The following SIK3 variants were observed in gnomAD, a reference collection of about 807,000 sequenced individuals.
SIK3 encodes the protein serine/threonine-protein kinase SIK3.
A neutral mutation model predicts 144.2 loss-of-function variants in SIK3; 28 were observed. That is an observed-to-expected ratio of 0.19 (90% CI 0.14 to 0.27). The LOEUF (loss-of-function observed/expected upper bound fraction) is 0.27, where lower values mean the gene tolerates loss of function less well. Ranked by LOEUF, SIK3 falls within the 10% of genes least tolerant of loss-of-function variation. The pLI is 1.00. For missense variants in SIK3, 1,319 were observed against 1,776.0 expected (o/e 0.74, Z 4.62); for synonymous variants, 686 against 676.3 (o/e 1.01, Z -0.22).
chr11:116,908,201 C>T lies in SIK3; in HGVS notation c.617-10884G>A, dbSNP rs112089178. Among the ~76,000 whole-genome samples, 70 of 152,232 alleles carry T rather than the reference C, an allele frequency of 4.6e-4. 1 individual carries two copies. The highest frequency in any genetic ancestry group is 1.5e-3 in the African/African-American group (64 of 41,540). Reference sequence around the variant, plus strand: ...TTATAAAATAAAGGACTCGGCTGGACGTGGTGGCTTACTCCTGTAATCCCA... The same window carrying T: ...TTATAAAATAAAGGACTCGGCTGGATGTGGTGGCTTACTCCTGTAATCCCA... On this transcript the variant is annotated intron_variant, in intron 4 of 24. Transcript: ENST00000445177.
In SIK3 at chr11:117,098,338, C is replaced by G; in HGVS notation, c.78G>C (p.Leu26=). 3 of 1,152,726 alleles carry G rather than the reference C, an allele frequency of 2.6e-6. No homozygotes were observed. The highest frequency in any genetic ancestry group is 3.2e-6 in the Non-Finnish European group (3 of 940,134). The allele number at this position is 1,152,726 out of a possible 1,614,324, so 71.4% of individuals were successfully genotyped here. A position where few individuals can be genotyped will look rare whatever the true frequency, so the allele number is the denominator to read the frequency against. The change falls in exon 1 of 25, where the codon CTG becomes CTC. Residue 26 remains leucine, a synonymous_variant. Transcript: ENST00000445177. Reference sequence around the variant, plus strand: ...GGGACCCCGGCGCGGGCGGAGGCAGCAGGCGGCCCGCGGGCCCGGCTCCCC... The same window carrying G: ...GGGACCCCGGCGCGGGCGGAGGCAGGAGGCGGCCCGCGGGCCCGGCTCCCC... ...GTGGAGPAGR[L]LPPPAPGSPA...
intron 4 of SIK3, among the ~76,000 whole-genome samples, chr11:116,914,513 A>G (rs1203238256): frequency 1.3e-5 from 2 of 152,012 alleles, no homozygotes; most frequent in Non-Finnish European, 2.9e-5. Flanking sequence ...TGCCTCCTCA[A>G]TTTTTTGATG....
chr11:117,061,314 A>G (rs758305722), intron 1 of SIK3, among the ~76,000 whole-genome samples: 78 of 152,286 alleles, frequency 5.1e-4, no homozygotes, highest in Non-Finnish European at 8.8e-5. Flanking sequence ...GTCACACAAG[A>G]GAAGATAATG....
At chr11:117,045,739 A>T (rs1952934029) in intron 1 of SIK3, among the ~76,000 whole-genome samples, 1 of 152,210 alleles carries the variant, frequency 6.6e-6, no homozygotes, top group Admixed American at 6.5e-5. Flanking sequence ...TAGATAAATA[A>T]TTAGTAAGCT....
intron 1 of SIK3, among the ~76,000 whole-genome samples, chr11:117,031,687 A>AT (rs57524562): frequency 0.02 from 1,598 of 81,502 alleles, 93 homozygotes; most frequent in African/African-American, 0.038. Context: ...CACCCGGCTA[A>AT]TTTTTTTTTT....
intron 4 of SIK3, among the ~76,000 whole-genome samples, chr11:116,916,340 T>C (rs1295918564): frequency 6.6e-6 from 1 of 152,184 alleles, no homozygotes; most frequent in Non-Finnish European, 1.5e-5. Flanking sequence ...CACTCTCTTA[T>C]GATTTTAAGA....
intron 1 of SIK3, among the ~76,000 whole-genome samples, chr11:117,042,228 T>C (rs1164632668): frequency 6.6e-6 from 1 of 152,218 alleles, no homozygotes; most frequent in Non-Finnish European, 1.5e-5. Flanking sequence ...AAACCCACAG[T>C]GCTCTCAACA....
chr11:117,035,871 T>C (rs1952475464), intron 1 of SIK3: 2 of 1,595,930 alleles, frequency 1.3e-6, no homozygotes, highest in African/African-American at 1.3e-5. Flanking sequence ...CAGAGGACAG[T>C]GGAGCAGCCA....
intron 1 of SIK3, among the ~76,000 whole-genome samples, chr11:117,080,120 AAGC>A (rs1218763896): frequency 6.6e-6 from 1 of 152,224 alleles, no homozygotes; most frequent in Non-Finnish European, 1.5e-5. Flanking sequence ...AAAGTAGACA[AAGC>A]AGAAAGACAA....
chr11:116,976,099 T>C (rs1949938669), intron 1 of SIK3, among the ~76,000 whole-genome samples: 1 of 152,240 alleles, frequency 6.6e-6, no homozygotes, highest in Non-Finnish European at 1.5e-5. Flanking sequence ...TTATATATTC[T>C]AGATACAAGT....
intron 21 of SIK3, among the ~76,000 whole-genome samples, chr11:116,852,078 G>T (rs1426768041): frequency 6.6e-6 from 1 of 152,190 alleles, no homozygotes. Flanking sequence ...CCTGTTTAAA[G>T]ATTTTTAAAA....
chr11:116,874,837 G>C (rs1368254008), intron 11 of SIK3, among the ~76,000 whole-genome samples: 1 of 152,200 alleles, frequency 6.6e-6, no homozygotes, highest in Non-Finnish European at 1.5e-5. Context: ...TTAATGTTGA[G>C]AGTCTTCAAC....
At chr11:116,945,134 T>C (rs1249801950) in intron 3 of SIK3, among the ~76,000 whole-genome samples, 2 of 152,012 alleles carry the variant, frequency 1.3e-5, no homozygotes, top group Admixed American at 1.3e-4. Flanking sequence ...TCATTTTTTG[T>C]ATTTTTAGTA....
intron 4 of SIK3, among the ~76,000 whole-genome samples, chr11:116,920,350 A>G (rs1946893382): frequency 6.8e-6 from 1 of 147,194 alleles, no homozygotes; most frequent in Non-Finnish European, 1.5e-5. Flanking sequence ...ACTTTCTTCT[A>G]CCCCTTTCTT....
rs370836949 is a variant in SIK3, at chr11:116,942,818, A to G, written c.454+11226T>C. On this transcript the variant is annotated intron_variant, in intron 3 of 24. Coordinates refer to ENST00000445177, the MANE Select transcript of SIK3 (RefSeq NM_001366686.3). The stretch of plus-strand genomic sequence containing the variant: ...AGGAGACCAAATTATATAATCTTAT[A>G]GGCTATAGTAGGAATTATAAATTTA... 2.6e-5 allele frequency among the ~76,000 whole-genome samples: 4 copies of G among 152,242 alleles called. No homozygotes were observed. In the East Asian group the frequency reaches 5.8e-4, roughly 22 times the overall value.
chr11:117,087,298 C>T (rs1384541911), intron 1 of SIK3, among the ~76,000 whole-genome samples: 8 of 151,984 alleles, frequency 5.3e-5, no homozygotes, highest in Non-Finnish European at 8.8e-5. Context: ...CAAAAATTAG[C>T]CAGGCGTGGC....
At chr11:117,032,689 TTA>T (rs1319551089) in intron 1 of SIK3, among the ~76,000 whole-genome samples, 4 of 149,952 alleles carry the variant, frequency 2.7e-5, no homozygotes, top group South Asian at 4.2e-4. Flanking sequence ...TTTTTTTTTT[TTA>T]AAAGAGATGG....
intron 1 of SIK3, among the ~76,000 whole-genome samples, chr11:116,988,592 G>C (rs188526004): frequency 2.0e-5 from 3 of 151,902 alleles, no homozygotes; most frequent in Admixed American, 6.5e-5. Context: ...ACCAGCCTAG[G>C]CAACACAGCA....
At chr11:117,066,030 A>C (rs1261552970) in intron 1 of SIK3, among the ~76,000 whole-genome samples, 1 of 151,036 alleles carries the variant, frequency 6.6e-6, no homozygotes, top group African/African-American at 2.4e-5. Context: ...ATGCCAAGGA[A>C]TCCGGTCTTC....
Sources: gnomAD v4.1 joint callset for allele counts (sites outside exome capture counted in the v4.1 genomes callset) on GRCh38, gnomAD v4.1.1 for gene constraint, MANE v1.5 for transcripts, NCBI Gene and HGNC (gene_info 2026-07-23, HGNC 2026-07-21) for gene names.